SKIC2: variants seen among roughly 807,000 people sequenced by gnomAD.
SKIC2 encodes superkiller complex protein 2.
At chr6:31,959,852 A>G in the SKIC2 span, 2 of 618,732 alleles carry the variant, frequency 3.2e-6, no homozygotes, top group African/African-American at 1.8e-5. Context: ...AATCTGCCCC[A>G]GGTAATTCAG....
the SKIC2 span, chr6:31,967,621 C>CT: frequency 6.3e-6 from 9 of 1,426,882 alleles, no homozygotes; most frequent in Non-Finnish European, 7.8e-6. This position sits in a 1 kb window ranked among gnomAD's most constrained non-coding sequence, Gnocchi z 4.9. Flanking sequence ...TGCATGGTTG[C>CT]TTCCTGATTC....
At chr6:31,963,015 A>G in the SKIC2 span, 9 of 1,612,446 alleles carry the variant, frequency 5.6e-6, no homozygotes, top group African/African-American at 1.1e-4. The surrounding 1 kb of genome is among the most constrained non-coding windows in gnomAD (Gnocchi z 5.3). Flanking sequence ...GGTGCTTATC[A>G]TGCTACCTGA....
chr6:31,966,332 C>A, the SKIC2 span, among the ~76,000 whole-genome samples: 7 of 151,510 alleles, frequency 4.6e-5, no homozygotes, highest in African/African-American at 1.5e-4. This position sits in a 1 kb window ranked among gnomAD's most constrained non-coding sequence, Gnocchi z 5.9. Flanking sequence ...TCTTGAACTT[C>A]TGGGCTCAAG....
chr6:31,965,309 G>A, the SKIC2 span, among the ~76,000 whole-genome samples: 1 of 152,164 alleles, frequency 6.6e-6, no homozygotes, highest in Non-Finnish European at 1.5e-5. This position sits in a 1 kb window ranked among gnomAD's most constrained non-coding sequence, Gnocchi z 5.6. Flanking sequence ...GAAGGTTAGT[G>A]TGGGGGATGC....
At chr6:31,962,856 G>T in the SKIC2 span, 1 of 1,387,876 alleles carries the variant, frequency 7.2e-7, no homozygotes, top group Non-Finnish European at 1.0e-6. The surrounding 1 kb of genome is among the most constrained non-coding windows in gnomAD (Gnocchi z 5.0). Context: ...CCAGTTGAGC[G>T]TCTCCCTTAT....
chr6:31,960,512 A>T, the SKIC2 span: 4 of 1,613,754 alleles, frequency 2.5e-6, no homozygotes, highest in Non-Finnish European at 3.4e-6. Context: ...CCCAGTCCTT[A>T]TGGGGAAATC....
At chr6:31,963,562 A>C in the SKIC2 span, 1 of 1,562,650 alleles carries the variant, frequency 6.4e-7, no homozygotes, top group Non-Finnish European at 8.6e-7. This position sits in a 1 kb window ranked among gnomAD's most constrained non-coding sequence, Gnocchi z 5.3. Flanking sequence ...ACAAAAGGGT[A>C]AGCCTCGAGA....
At chr6:31,963,476 C>T in the SKIC2 span, 1 of 1,611,988 alleles carries the variant, frequency 6.2e-7, no homozygotes, top group Non-Finnish European at 8.5e-7. This position sits in a 1 kb window ranked among gnomAD's most constrained non-coding sequence, Gnocchi z 5.3. Flanking sequence ...CCCTGGAGCA[C>T]TATCTTTTCA....
chr6:31,959,188 C>G, the SKIC2 span: 1 of 1,610,306 alleles, frequency 6.2e-7, no homozygotes, highest in Non-Finnish European at 8.5e-7. Context: ...TGCTGTGGCT[C>G]CAGGATGATG....
the SKIC2 span, chr6:31,959,192 G>A: frequency 2.0e-5 from 32 of 1,610,222 alleles, no homozygotes; most frequent in South Asian, 6.6e-5. Flanking sequence ...GTGGCTCCAG[G>A]ATGATGGAGA....
chr6:31,965,356 G>A, the SKIC2 span, among the ~76,000 whole-genome samples: 1 of 152,074 alleles, frequency 6.6e-6, no homozygotes, highest in Non-Finnish European at 1.5e-5. This position sits in a 1 kb window ranked among gnomAD's most constrained non-coding sequence, Gnocchi z 5.6. Context: ...GAAGCAGTGG[G>A]TTAGATGTGG....
the SKIC2 span, chr6:31,962,345 T>G: frequency 1.1e-5 from 15 of 1,383,638 alleles, no homozygotes; most frequent in Middle Eastern, 1.8e-4. This position sits in a 1 kb window ranked among gnomAD's most constrained non-coding sequence, Gnocchi z 5.0. Context: ...CACCTGAGCT[T>G]CTGGGGCATG....
the SKIC2 span, chr6:31,962,083 T>A: frequency 6.2e-7 from 1 of 1,609,514 alleles, no homozygotes; most frequent in African/African-American, 1.3e-5. The surrounding 1 kb of genome is among the most constrained non-coding windows in gnomAD (Gnocchi z 5.0). Flanking sequence ...ACCTCCCCCT[T>A]CACCAGCCAG....
chr6:31,961,838 G>A, the SKIC2 span: 22 of 1,585,786 alleles, frequency 1.4e-5, no homozygotes, highest in Admixed American at 3.3e-5. Context: ...CCCGCCCTGC[G>A]TGCTCCATGA....
chr6:31,961,232 G>T, the SKIC2 span: 1 of 1,613,922 alleles, frequency 6.2e-7, no homozygotes, highest in Non-Finnish European at 8.5e-7. Flanking sequence ...CTAAGCCTTA[G>T]CTGTATGTTG....
chr6:31,965,626 T>C, the SKIC2 span, among the ~76,000 whole-genome samples: 1 of 152,186 alleles, frequency 6.6e-6, no homozygotes, highest in Admixed American at 6.5e-5. The surrounding 1 kb of genome is among the most constrained non-coding windows in gnomAD (Gnocchi z 5.6). Context: ...AAAACAATAA[T>C]ACCTGCCCTA....
At chr6:31,961,238 T>C in the SKIC2 span, 1 of 1,613,216 alleles carries the variant, frequency 6.2e-7, no homozygotes, top group Non-Finnish European at 8.5e-7. Context: ...CTTAGCTGTA[T>C]GTTGGAGCCT....
At chr6:31,969,274 C>T in the SKIC2 span, 6 of 1,614,070 alleles carry the variant, frequency 3.7e-6, no homozygotes, top group Non-Finnish European at 5.1e-6. This position sits in a 1 kb window ranked among gnomAD's most constrained non-coding sequence, Gnocchi z 6.1. Flanking sequence ...TCCTTCTTTC[C>T]TGCAGGGAAT....
chr6:31,968,059 C>G, the SKIC2 span: 1 of 1,612,880 alleles, frequency 6.2e-7, no homozygotes, highest in African/African-American at 1.3e-5. The surrounding 1 kb of genome is among the most constrained non-coding windows in gnomAD (Gnocchi z 6.1). Context: ...AGGACTTCAG[C>G]AAGAGGCAGC....
Sources: allele counts gnomAD v4.1 joint callset (sites outside exome capture counted in the v4.1 genomes callset), GRCh38; gene constraint gnomAD v4.1.1; non-coding constraint Gnocchi (gnomAD v3.1); transcripts MANE v1.5; gene names NCBI Gene and HGNC (gene_info 2026-07-23, HGNC 2026-07-21).